Variants in MCM9 observed in about 807,000 individuals in gnomAD.
MCM9 encodes the protein minichromosome maintenance 9 homologous recombination repair factor.
In MCM9, 55 loss-of-function variants were observed where a neutral mutation model predicts 72.8. That is an observed-to-expected ratio of 0.76 (90% CI 0.61 to 0.95). MCM9 has a LOEUF of 0.95. MCM9 is among the 40% of genes least tolerant of loss of function. The pLI is 0.00. For missense variants in MCM9, 1,279 were observed against 1,377.0 expected, an observed-to-expected ratio of 0.93 and a Z score of 1.13; for synonymous variants, 480 against 503.4, an observed-to-expected ratio of 0.95 and a Z score of 0.62.
chr6:118,910,874 T>C (rs1780495487), intron 8 of MCM9: 1 of 985,390 alleles, frequency 1.0e-6, no homozygotes, highest in South Asian at 4.7e-5. Context: ...TTTTAAAGTG[T>C]TAGTTTCTCA....
intron 2 of MCM9, 37 bp from the exon 3 acceptor site, chr6:118,931,775 T>C: frequency 6.9e-7 from 1 of 1,454,172 alleles, no homozygotes; most frequent in Non-Finnish European, 9.2e-7. Context: ...ATATATTTGA[T>C]ACTCAAGATG....
chr6:118,913,020 T>C lies in MCM9; in HGVS notation c.1030+275A>G, dbSNP rs755631543. On this transcript the variant is annotated intron_variant, in intron 7 of 13. Coordinates refer to ENST00000619706, the MANE Select transcript of MCM9 (RefSeq NM_017696.3). ...GGGGATCCAACAAAAAACACAGTAA[T>C]AGAAACAAAGATTTTATTTTGTGGC... 51 of 313,106 alleles carry C rather than the reference T, an allele frequency of 1.6e-4. 1 individual carries two copies. Among genetic ancestry groups the C allele is most frequent in the Non-Finnish European group, 2.9e-5 (5 of 170,452 alleles). 19.4% of individuals were successfully genotyped at this position (313,106 alleles called of 1,614,324 possible). A position where few individuals can be genotyped will look rare whatever the true frequency, so the allele number is the denominator to read the frequency against.
At chr6:118,865,655 A>G (rs1248134630) in intron 8 of MCM9, among the ~76,000 whole-genome samples, 1 of 152,198 alleles carries the variant, frequency 6.6e-6, no homozygotes, top group Admixed American at 6.5e-5. Flanking sequence ...GCCAAAACAG[A>G]GCTTGACACT....
At chr6:118,917,877 A>AT in intron 5 of MCM9, 116 bp from the exon 6 acceptor site, 1 of 808,142 alleles carries the variant, frequency 1.2e-6, no homozygotes, top group Non-Finnish European at 2.0e-6. Flanking sequence ...AGTTTACAAT[A>AT]TGTACACTCA....
In MCM9 at chr6:118,814,823, A is replaced by G; in HGVS notation, c.*1T>C. 6.7e-7 allele frequency: 1 copy of G among 1,490,072 alleles called. No homozygotes were observed. The highest frequency in any genetic ancestry group is 8.9e-7 in the Non-Finnish European group (1 of 1,118,900). The allele number at this position is 1,490,072 out of a possible 1,614,324, so 92.3% of individuals were successfully genotyped here. On this transcript the variant is annotated 3_prime_UTR_variant, in exon 14 of 14. Transcript: ENST00000619706. ...AGATTTGACCAGAAAGCTTTTCCCA[A>G]CTATGACTTTTTTCTCATCTCTTCA...
chr6:118,923,713 A>G (rs1378927453), intron 4 of MCM9, 98 bp downstream of exon 4: 1 of 1,017,368 alleles, frequency 9.8e-7, no homozygotes, highest in Non-Finnish European at 1.4e-6. Flanking sequence ...CAACACAAGT[A>G]CATTTGTATC....
At chr6:118,907,994 T>G (rs983539751) in intron 8 of MCM9, 1 of 158,498 alleles carries the variant, frequency 6.3e-6, no homozygotes, top group Non-Finnish European at 1.4e-5. Context: ...AAGAACAAAG[T>G]TTACTTCAAC....
At chr6:118,842,274 T>C (rs1210759138) in intron 9 of MCM9, among the ~76,000 whole-genome samples, 1 of 152,264 alleles carries the variant, frequency 6.6e-6, no homozygotes, top group Non-Finnish European at 1.5e-5. Flanking sequence ...TCCTTGATTA[T>C]TTAAAAATCT....
intron 9 of MCM9, among the ~76,000 whole-genome samples, chr6:118,849,456 T>C (rs745533387): frequency 6.6e-6 from 1 of 150,492 alleles, no homozygotes; most frequent in Non-Finnish European, 1.5e-5. Flanking sequence ...TGTGTGTGTA[T>C]AATATATATA....
At chr6:118,878,046 T>C (rs936155393) in intron 8 of MCM9, among the ~76,000 whole-genome samples, 5 of 152,004 alleles carry the variant, frequency 3.3e-5, no homozygotes, top group African/African-American at 9.7e-5. Flanking sequence ...ACTGTAATCC[T>C]AGCCATTTGG....
At chr6:118,824,434 G>A (rs147426686) in intron 13 of MCM9, among the ~76,000 whole-genome samples, 2,717 of 151,334 alleles carry the variant, frequency 0.018, 33 homozygotes, top group Middle Eastern at 0.048. Context: ...TCAGCCTCCC[G>A]AGTAGCTGGA....
intron 9 of MCM9, among the ~76,000 whole-genome samples, chr6:118,853,116 G>C (rs760471279): frequency 1.3e-5 from 2 of 151,996 alleles, no homozygotes; most frequent in African/African-American, 2.4e-5. Flanking sequence ...AAACCATTTG[G>C]GTATAGGTCT....
chr6:118,884,545 A>G (rs1277626804), intron 8 of MCM9, among the ~76,000 whole-genome samples: 2 of 152,184 alleles, frequency 1.3e-5, no homozygotes, highest in Non-Finnish European at 2.9e-5. Flanking sequence ...TATAGAAGAC[A>G]AAATATAAAA....
chr6:118,856,654 A>T (rs1046261755), intron 8 of MCM9, 109 bp from the exon 9 acceptor site: 16 of 1,187,178 alleles, frequency 1.3e-5, no homozygotes, highest in Non-Finnish European at 1.8e-5. Flanking sequence ...TGAGGTGAGA[A>T]GATTTCTTGA....
chr6:118,847,705 A>T (rs1157472576), intron 9 of MCM9, among the ~76,000 whole-genome samples: 3 of 151,868 alleles, frequency 2.0e-5, no homozygotes, highest in African/African-American at 7.3e-5. Flanking sequence ...TTCCAGGGAT[A>T]AAAGAATACA....
chr6:118,820,786 T>C (rs1048779145), intron 13 of MCM9, among the ~76,000 whole-genome samples: 8 of 151,850 alleles, frequency 5.3e-5, no homozygotes, highest in African/African-American at 1.7e-4. Flanking sequence ...TAAGGACTTC[T>C]TTTATGAATC....
chr6:118,821,034 G>A (rs923094796), intron 13 of MCM9, among the ~76,000 whole-genome samples: 58 of 151,996 alleles, frequency 3.8e-4, no homozygotes, highest in African/African-American at 1.4e-3. Context: ...CGTGAGATGG[G>A]TCTCCTGAAT....
chr6:118,864,032 A>C (rs1336738258), intron 8 of MCM9, among the ~76,000 whole-genome samples: 2 of 151,778 alleles, frequency 1.3e-5, no homozygotes, highest in East Asian at 3.9e-4. Context: ...ACCCAACTAT[A>C]AGATGTTTAC....
At chr6:118,819,578 TTTC>T (rs368881729) in intron 13 of MCM9, among the ~76,000 whole-genome samples, 44 of 152,222 alleles carry the variant, frequency 2.9e-4, no homozygotes, top group African/African-American at 1.1e-3. Flanking sequence ...GGCCCGAAAT[TTTC>T]TTTTTTTATT....
Sources: allele counts gnomAD v4.1 joint callset (sites outside exome capture counted in the v4.1 genomes callset), GRCh38; gene constraint gnomAD v4.1.1; transcripts MANE v1.5; gene names NCBI Gene and HGNC (gene_info 2026-07-23, HGNC 2026-07-21).